Variants in DACH2 observed in about 807,000 individuals in gnomAD.
The protein encoded by DACH2 is dachshund homolog 2.
DACH2 carries 17 observed loss-of-function variants against 35.8 expected under a neutral mutation model. That is an observed-to-expected ratio of 0.48 (90% confidence interval 0.33 to 0.71). The LOEUF is 0.71. Ranked by LOEUF, DACH2 falls within the 30% of genes least tolerant of loss-of-function variation. The pLI, the probability that DACH2 is intolerant of heterozygous loss-of-function variation, is 0.02. For synonymous variants in DACH2, 195 were observed against 177.3 expected (o/e 1.10, Z -0.79); for missense variants, 469 against 472.7 (o/e 0.99, Z 0.07).
Position 86,538,677 on chromosome X carries a change from CT to C in DACH2, c.640+24291del, listed in dbSNP as rs758356731. 3.2e-4 allele frequency among the ~76,000 whole-genome samples: 35 copies of C among 111,008 alleles called. 1 individual carries two copies. Among genetic ancestry groups the C allele is most frequent in the Admixed American group, 9.7e-5 (1 of 10,353 alleles). ...GAGAGCAAACTTTTAGCCTCAAGTT[CT>C]TTTTATAATCAGTATTTTTCAATTC... is the stretch of plus-strand genomic sequence containing the variant. On this transcript the variant is annotated intron_variant, in intron 3 of 11. Coordinates refer to ENST00000373125, the MANE Select transcript of DACH2 (RefSeq NM_053281.3).
At chrX:86,451,443 C>A (rs1265441956) in intron 2 of DACH2, among the ~76,000 whole-genome samples, 1 of 111,386 alleles carries the variant, frequency 9.0e-6, no homozygotes, top group Non-Finnish European at 1.9e-5. Context: ...TAGTGCCAGG[C>A]TGTTTTGGTT....
chrX:86,509,288 T>C (rs2038365865), intron 2 of DACH2, among the ~76,000 whole-genome samples: 1 of 112,136 alleles, frequency 8.9e-6, no homozygotes, highest in South Asian at 3.7e-4. Context: ...TGATGAACCA[T>C]ACTTTAAGTT....
At chrX:86,307,921 G>T (rs1279082719) in intron 1 of DACH2, among the ~76,000 whole-genome samples, 1 of 111,471 alleles carries the variant, frequency 9.0e-6, no homozygotes, top group Non-Finnish European at 1.9e-5. Flanking sequence ...CACTAAGTAG[G>T]GACTCTGCAC....
chrX:86,689,938 G>A (rs1315085133), intron 4 of DACH2, among the ~76,000 whole-genome samples: 3 of 111,431 alleles, frequency 2.7e-5, no homozygotes, highest in Non-Finnish European at 5.7e-5. Flanking sequence ...ATAAGACAGA[G>A]ATCATTTTTA....
chrX:86,811,559 A>G lies in DACH2; in HGVS notation c.1241-1297A>G, dbSNP rs1301861588. 1.2e-4 allele frequency among the ~76,000 whole-genome samples: 13 copies of G among 111,714 alleles called. No homozygotes were observed. In the Admixed American group the frequency reaches 1.2e-3, roughly 11 times the overall value. On this transcript the variant is annotated intron_variant, in intron 7 of 11. Coordinates refer to ENST00000373125, the MANE Select transcript of DACH2 (RefSeq NM_053281.3). ...GTTTTTTCTGACCAGAGAGATGCAT[A>G]CTTTTTAAACTTTGCCTGTGCTCTC...
At chrX:86,292,526 A>G (rs2034326852) in intron 1 of DACH2, among the ~76,000 whole-genome samples, 1 of 110,894 alleles carries the variant, frequency 9.0e-6, no homozygotes, top group African/African-American at 3.3e-5. Flanking sequence ...TTAGGTTGTC[A>G]ATTTTGGATC....
At chrX:86,467,248 C>G (rs2369051) in intron 2 of DACH2, among the ~76,000 whole-genome samples, 23,701 of 110,448 alleles carry the variant, frequency 0.21, 2,311 homozygotes, top group Middle Eastern at 0.38. Flanking sequence ...CCACCAAATA[C>G]CCTAAATAAT....
At position 86,336,939 on chromosome X, in the gene DACH2, T is replaced by C. The variant is rs917785131; in HGVS notation, c.489-39885T>C. On this transcript the variant is annotated intron_variant, in intron 1 of 11. Coordinates refer to ENST00000373125, the MANE Select transcript of DACH2 (RefSeq NM_053281.3). ...GAACTTTGTGAAGCATACACAAGTA[T>C]CCATAGCTGAATCGATCAAGCAGAA... is the stretch of plus-strand genomic sequence containing the variant. Among the ~76,000 whole-genome samples the C allele has an allele frequency of 5.6e-5, 6 of 107,938 alleles. No individual in the cohort carries two copies. The Admixed American group carries it at 6.1e-4, about 11-fold the overall frequency. 93.7% of individuals were successfully genotyped at this position (107,938 alleles called of 115,157 possible). A position where few individuals can be genotyped will look rare whatever the true frequency, so the allele number is the denominator to read the frequency against.
At chrX:86,191,297 A>G (rs1221808591) in intron 1 of DACH2, among the ~76,000 whole-genome samples, 1 of 112,317 alleles carries the variant, frequency 8.9e-6, no homozygotes, top group Non-Finnish European at 1.9e-5. Flanking sequence ...CTACACTGCC[A>G]TTAAAATGAA....
At chrX:86,301,747 G>A (rs1277785104) in intron 1 of DACH2, among the ~76,000 whole-genome samples, 3 of 111,951 alleles carry the variant, frequency 2.7e-5, no homozygotes, top group South Asian at 3.7e-4. Flanking sequence ...TGTCAACTGC[G>A]TTTTTGATAC....
intron 3 of DACH2, among the ~76,000 whole-genome samples, chrX:86,647,902 T>G: frequency 9.0e-6 from 1 of 110,799 alleles, no homozygotes; most frequent in African/African-American, 3.3e-5. Context: ...AATAAATATG[T>G]TTAAATTATA....
At chrX:86,234,207 C>T (rs756815937) in intron 1 of DACH2, among the ~76,000 whole-genome samples, 15 of 111,808 alleles carry the variant, frequency 1.3e-4, no homozygotes, top group African/African-American at 4.9e-4. Flanking sequence ...CCTTTGAAAC[C>T]CTTGGACAGT....
chrX:86,249,329 C>T (rs752912813), intron 1 of DACH2, among the ~76,000 whole-genome samples: 11 of 110,746 alleles, frequency 9.9e-5, no homozygotes, highest in Non-Finnish European at 1.9e-4. Context: ...ATATCCAGAA[C>T]CTATAAGGAA....
intron 6 of DACH2, among the ~76,000 whole-genome samples, chrX:86,733,524 A>G (rs1351269916): frequency 1.8e-5 from 2 of 111,748 alleles, no homozygotes; most frequent in Admixed American, 9.5e-5. Flanking sequence ...CTTCAATTAT[A>G]TTACTGAATG....
At chrX:86,809,134 C>T (rs1320472775) in intron 7 of DACH2, among the ~76,000 whole-genome samples, 1 of 111,739 alleles carries the variant, frequency 8.9e-6, no homozygotes, top group Non-Finnish European at 1.9e-5. Context: ...AGAGATCACT[C>T]ATGTCCTTGA....
intron 1 of DACH2, among the ~76,000 whole-genome samples, chrX:86,206,279 G>A (rs1472151970): frequency 5.3e-5 from 5 of 93,809 alleles, no homozygotes; most frequent in African/African-American, 1.3e-4. Flanking sequence ...AGTCCAAAAG[G>A]GGAAAAAAAA....
In DACH2 at chrX:86,191,200, C is replaced by T. The variant is rs768115163; in HGVS notation, c.488+42092C>T. 1.4e-4 allele frequency among the ~76,000 whole-genome samples: 16 copies of T among 111,661 alleles called. No individual in the cohort carries two copies. In the South Asian group the frequency reaches 5.6e-3, roughly 39 times the overall value. ...CGTGTATGTTCATTCCAGCACCATT[C>T]ATAATAGCAAAGATACAGAATCAAC... is the stretch of plus-strand genomic sequence containing the variant. On this transcript the variant is annotated intron_variant, in intron 1 of 11. Transcript: ENST00000373125.
At chrX:86,727,026 A>T (rs769046979) in intron 6 of DACH2, among the ~76,000 whole-genome samples, 1 of 112,756 alleles carries the variant, frequency 8.9e-6, no homozygotes, top group East Asian at 2.8e-4. Flanking sequence ...TAAAACAAAT[A>T]TTTAAATTTG....
chrX:86,518,331 A>T (rs371760509), intron 3 of DACH2, among the ~76,000 whole-genome samples: 119 of 111,705 alleles, frequency 1.1e-3, no homozygotes, highest in African/African-American at 3.4e-3. Context: ...GGGTAACATG[A>T]TGCCTCCAGC....
Sources: gnomAD v4.1 joint callset for allele counts (sites outside exome capture counted in the v4.1 genomes callset) on GRCh38, gnomAD v4.1.1 for gene constraint, MANE v1.5 for transcripts, NCBI Gene and HGNC (gene_info 2026-07-23, HGNC 2026-07-21) for gene names.